DOCK9: variants seen among roughly 807,000 people sequenced by gnomAD.
DOCK9 encodes dedicator of cytokinesis protein 9.
In DOCK9, 89 loss-of-function variants were observed where a neutral mutation model predicts 263.3. The ratio of observed to expected loss-of-function variants is 0.34; its 90% CI spans 0.28 to 0.40. The LOEUF (loss-of-function observed/expected upper bound fraction) is 0.40. Ranked by LOEUF, DOCK9 falls within the 10% of genes least tolerant of loss-of-function variation. The pLI, the probability that DOCK9 is intolerant of heterozygous loss-of-function variation, is 1.00. For synonymous variants in DOCK9, 976 were observed against 973.1 expected, an observed-to-expected ratio of 1.00 and a Z score of -0.06; for missense variants, 2,140 against 2,603.4, an observed-to-expected ratio of 0.82 and a Z score of 3.87.
intron 9 of DOCK9, among the ~76,000 whole-genome samples, chr13:98,906,366 T>C (rs2049097807): frequency 6.6e-6 from 1 of 152,070 alleles, no homozygotes; most frequent in African/African-American, 2.4e-5. Flanking sequence ...GATGAAGGAT[T>C]TGGGAACAGA....
intron 38 of DOCK9, among the ~76,000 whole-genome samples, chr13:98,844,369 T>G (rs1325011847): frequency 2.2e-5 from 3 of 139,162 alleles, no homozygotes; most frequent in Non-Finnish European, 4.7e-5. Flanking sequence ...TTTATTTTTT[T>G]TATTTTTTTT....
chr13:99,030,166 C>T (rs545237161), intron 1 of DOCK9, among the ~76,000 whole-genome samples: 1 of 152,252 alleles, frequency 6.6e-6, no homozygotes, highest in South Asian at 2.1e-4. Flanking sequence ...TTGAAATGTT[C>T]TGAAATTAGA....
intron 1 of DOCK9, among the ~76,000 whole-genome samples, chr13:98,969,488 T>C (rs947455213): frequency 2.0e-5 from 3 of 152,000 alleles, no homozygotes; most frequent in Non-Finnish European, 2.9e-5. Context: ...TTTGACATTA[T>C]ATCAGACATC....
intron 49 of DOCK9, among the ~76,000 whole-genome samples, chr13:98,804,020 G>A (rs544800197): frequency 4.0e-5 from 6 of 149,850 alleles, no homozygotes; most frequent in East Asian, 2.0e-4. Flanking sequence ...CATACGCTTC[G>A]CCGGTGAGAG....
chr13:98,994,869 A>G (rs1433568213), intron 1 of DOCK9, among the ~76,000 whole-genome samples: 1 of 152,232 alleles, frequency 6.6e-6, no homozygotes, highest in African/African-American at 2.4e-5. Flanking sequence ...ATATATAATT[A>G]TTACATATTA....
At chr13:98,999,289 C>T (rs892529830) in intron 1 of DOCK9, among the ~76,000 whole-genome samples, 27 of 110,322 alleles carry the variant, frequency 2.4e-4, no homozygotes, top group African/African-American at 1.0e-3. Flanking sequence ...CGCATGCACG[C>T]GCACACACAC....
chr13:99,003,181 C>T (rs1237578146), intron 1 of DOCK9, among the ~76,000 whole-genome samples: 4 of 152,156 alleles, frequency 2.6e-5, no homozygotes, highest in Admixed American at 6.5e-5. Flanking sequence ...AATGTTCCTG[C>T]GGACAGTAAA....
intron 1 of DOCK9, among the ~76,000 whole-genome samples, chr13:98,962,165 C>T (rs2058706350): frequency 6.6e-6 from 1 of 152,072 alleles, no homozygotes; most frequent in Non-Finnish European, 1.5e-5. Context: ...AAATCATGAT[C>T]ATATGAAGAG....
intron 34 of DOCK9, 49 bp downstream of exon 34, chr13:98,855,849 T>G: frequency 6.2e-7 from 1 of 1,607,512 alleles, no homozygotes; most frequent in Non-Finnish European, 8.5e-7. Context: ...TACTTTGGGC[T>G]AAATCCATTG....
Position 99,012,982 on chromosome 13 carries a change from G to A in DOCK9, c.130-57431C>T, listed in dbSNP as rs146625977. The stretch of plus-strand genomic sequence containing the variant: ...TTTCTCCAAGTTCAAGTTCAGGACC[G>A]TAAAGCCATTTCATCAGCATTCCCT... On this transcript the variant is annotated intron_variant, in intron 1 of 32. Coordinates refer to the DOCK9 transcript ENST00000427887. 2.8e-4 allele frequency among the ~76,000 whole-genome samples: 43 copies of A among 152,276 alleles called. No homozygotes were observed. In the East Asian group the frequency reaches 7.9e-3, roughly 28 times the overall value.
chr13:99,005,321 TAC>T (rs1404287366), intron 1 of DOCK9, among the ~76,000 whole-genome samples: 4 of 152,240 alleles, frequency 2.6e-5, no homozygotes, highest in African/African-American at 9.6e-5. Context: ...ACTTACGCAG[TAC>T]AGTCTGTTTA....
chr13:99,063,707 A>T (rs55918318), intron 1 of DOCK9, among the ~76,000 whole-genome samples: 4,218 of 152,338 alleles, frequency 0.028, 184 homozygotes, highest in African/African-American at 0.096. Flanking sequence ...AATTACTAAT[A>T]AATGAAATAA....
chr13:99,032,302 C>G (rs1355577569), intron 1 of DOCK9, among the ~76,000 whole-genome samples: 4 of 152,062 alleles, frequency 2.6e-5, no homozygotes, highest in Non-Finnish European at 4.4e-5. Context: ...GAAACCCTGT[C>G]TCTACTAAAA....
chr13:98,898,085 C>A (rs1287061448), intron 14 of DOCK9, 94 bp downstream of exon 14: 3 of 857,404 alleles, frequency 3.5e-6, no homozygotes, highest in African/African-American at 3.4e-5. Flanking sequence ...ACATTCAAAT[C>A]CTCTTTGTCT....
Position 98,888,408 on chromosome 13 carries a change from G to C in DOCK9, c.1929C>G (p.Tyr643Ter). The change falls in exon 17 of 53, where the codon TAC (tyrosine) becomes TAG (stop). Residue 643 changes from tyrosine (Y) to a stop codon, truncating the protein, a stop_gained. Transcript: ENST00000682017. LOFTEE classifies it high-confidence loss of function. Reference sequence around the variant, plus strand: ...CGTATTTCAAGTACTTAGGATAAACGTAAAGGTGATTGGTGTAGATGGTGT... The same window carrying C: ...CGTATTTCAAGTACTTAGGATAAACCTAAAGGTGATTGGTGTAGATGGTGT... ...QPYTIYTNHL[Y>*]VYPKYLKYDS... 6.2e-7 allele frequency: 1 copy of C among 1,613,972 alleles called. No individual in the cohort carries two copies. Among genetic ancestry groups the C allele is most frequent in the Admixed American group, 1.7e-5 (1 of 60,032 alleles).
chr13:99,087,272 G>A (rs1444465452), upstream of DOCK9, among the ~76,000 whole-genome samples: 4 of 152,226 alleles, frequency 2.6e-5, no homozygotes, highest in Non-Finnish European at 5.9e-5. Flanking sequence ...GGTTGGGCCG[G>A]GCCAGGCGTG....
rs370879271 is a variant in DOCK9, at chr13:98,799,174, T to C, written c.5916+1114A>G. On this transcript the variant is annotated intron_variant, in intron 50 of 52. Coordinates refer to ENST00000682017, the MANE Select transcript of DOCK9 (RefSeq NM_001366683.2). ...GCTTTTGTGGTGAATGACACAAAAA[T>C]GTTGGGCAACAACTCACGGTTCTTT... Among the ~76,000 whole-genome samples, 22 of 152,354 alleles carry C rather than the reference T, an allele frequency of 1.4e-4. 1 individual carries two copies. The South Asian group carries it at 4.6e-3, about 32-fold the overall frequency.
At position 98,888,643 on chromosome 13, in the gene DOCK9, G is replaced by A; in HGVS notation, c.1778C>T (p.Ser593Leu). Residue 593 changes from serine to leucine, a missense_variant, in exon 16 of 53, where the codon TCA becomes TTA. This residue lies in a region of DOCK9 where 1,521 missense variants were observed against 1,741.7 expected (regional missense o/e 0.87). Transcript: ENST00000682017. Reference protein sequence around the residue: ...NLDITIDNVSSDFPNYVNSSY... With the variant: ...NLDITIDNVSLDFPNYVNSSY... ...GAACTGACACTTACTAGGGAAGTCT[G>A]AGGAAACATTATCAATTGTAATGTC... 6.2e-7 allele frequency: 1 copy of A among 1,613,826 alleles called. No homozygotes were observed. The highest frequency in any genetic ancestry group is 8.5e-7 in the Non-Finnish European group (1 of 1,179,766).
intron 8 of DOCK9, among the ~76,000 whole-genome samples, chr13:98,914,984 T>A (rs1043839671): frequency 6.6e-6 from 1 of 152,214 alleles, no homozygotes. Context: ...GCAATTTTCA[T>A]GTTTATTCCC....
Sources: allele counts gnomAD v4.1 joint callset (sites outside exome capture counted in the v4.1 genomes callset), GRCh38; gene constraint gnomAD v4.1.1; regional missense constraint gnomAD v4.1.1; transcripts MANE v1.5; gene names NCBI Gene and HGNC (gene_info 2026-07-23, HGNC 2026-07-21).